The following UNC13B variants were observed in gnomAD, a reference collection of about 807,000 sequenced individuals.
UNC13B encodes the protein unc-13 homolog B.
Under a neutral mutation model 211.0 loss-of-function variants are expected in UNC13B, and 144 were observed. The ratio of observed to expected loss-of-function variants is 0.68; its 90% CI spans 0.60 to 0.78. The LOEUF is 0.78. Ranked by LOEUF, UNC13B falls within the 30% of genes least tolerant of loss-of-function variation. UNC13B has a pLI of 0.00. For missense variants in UNC13B, 1,777 were observed against 2,002.0 expected (o/e 0.89, Z 2.14); for synonymous variants, 709 against 725.8 (o/e 0.98, Z 0.37).
intron 7 of UNC13B, among the ~76,000 whole-genome samples, chr9:35,264,394 T>C (rs1827454169): frequency 6.6e-6 from 1 of 152,226 alleles, no homozygotes; most frequent in Non-Finnish European, 1.5e-5. Flanking sequence ...GGCTGAATTG[T>C]GTTCTAGTGT....
intron 30 of UNC13B, 102 bp from the exon 31 acceptor site, chr9:35,398,109 A>T: frequency 9.9e-7 from 1 of 1,009,580 alleles, no homozygotes; most frequent in South Asian, 1.7e-5. Flanking sequence ...CCTATGTCAT[A>T]TGTGAAGTCC....
In UNC13B at chr9:35,310,599, C is replaced by T. The variant is rs779107601; in HGVS notation, c.9141C>T (p.Ser3047=). 1 of 1,614,076 alleles carries T rather than the reference C, an allele frequency of 6.2e-7. No individual in the cohort carries two copies. Among genetic ancestry groups the T allele is most frequent in the Non-Finnish European group, 8.5e-7 (1 of 1,180,026 alleles). ...CGGACTCGATTCATTCTTGCCACAG[C>T]TCTCACAGCCTGTCCAGAGATGGCC... is the stretch of plus-strand genomic sequence containing the variant. ...RETDSIHSCH[S]SHSLSRDGQA... is the part of the protein sequence containing the mutation. The change falls in exon 10 of 40, where the codon AGC becomes AGT. Residue 3047 remains serine, a synonymous_variant. Coordinates refer to ENST00000635942, the MANE Select transcript of UNC13B (RefSeq NM_001371189.2).
At chr9:35,226,928 A>T (rs1198042536) in intron 1 of UNC13B, among the ~76,000 whole-genome samples, 2 of 152,206 alleles carry the variant, frequency 1.3e-5, no homozygotes, top group Non-Finnish European at 2.9e-5. Flanking sequence ...AACCATTATT[A>T]TCACTATATC....
intron 12 of UNC13B, among the ~76,000 whole-genome samples, chr9:35,368,050 T>C (rs1387409762): frequency 1.3e-5 from 2 of 152,320 alleles, no homozygotes; most frequent in Middle Eastern, 3.4e-3. Flanking sequence ...CAATTTGTCA[T>C]CTTTAAAAAA....
rs975470734 is a variant in UNC13B at position 35,307,805 on chromosome 9, G to A, written c.8401G>A (p.Ala2801Thr). Residue 2801 changes from alanine (A) to threonine (T), a missense_variant, in exon 9 of 40, where the codon GCA (alanine) becomes ACA (threonine). Coordinates refer to ENST00000635942, the MANE Select transcript of UNC13B (RefSeq NM_001371189.2). ...FSSPLPSGNRAAETGLMSSFK... is the reference protein window; with the variant it reads ...FSSPLPSGNRTAETGLMSSFK... ...CTCACCTCTCCCCTCTGGCAATAGAGCAGCAGAGACTGGTTTAATGTCCAG... is the reference window on the plus strand; with the variant it reads ...CTCACCTCTCCCCTCTGGCAATAGAACAGCAGAGACTGGTTTAATGTCCAG... 6.0e-5 allele frequency: 24 copies of A among 399,006 alleles called. No homozygotes were observed. Among genetic ancestry groups the A allele is most frequent in the Admixed American group, 4.0e-4 (9 of 22,728 alleles). The allele number at this position is 399,006 out of a possible 1,614,324, so 24.7% of individuals were successfully genotyped here. A position where few individuals can be genotyped will look rare whatever the true frequency, so the allele number is the denominator to read the frequency against.
rs190290179 is a variant in UNC13B at position 35,195,515 on chromosome 9, T to G, written c.23-32500T>G. Among the ~76,000 whole-genome samples the G allele has an allele frequency of 2.4e-4, 37 of 152,262 alleles. 1 individual carries two copies. The highest frequency in any genetic ancestry group is 1.4e-3 in the South Asian group (7 of 4,828). ...CATGGGTCCTTAACCTTGGCAAAAG[T>G]AACCTCTAAATTGATTGAGATCTGT... On this transcript the variant is annotated intron_variant, in intron 1 of 39. Transcript: ENST00000635942.
intron 1 of UNC13B, among the ~76,000 whole-genome samples, chr9:35,183,734 A>G (rs1326623018): frequency 1.9e-3 from 101 of 54,200 alleles, no homozygotes; most frequent in Middle Eastern, 0.019. Flanking sequence ...CAGACGGGGC[A>G]GCCGGGCAGA....
At chr9:35,381,281 A>G in intron 19 of UNC13B, 66 bp downstream of exon 19, 1 of 1,384,306 alleles carries the variant, frequency 7.2e-7, no homozygotes, top group Non-Finnish European at 1.0e-6. Flanking sequence ...GGCCATAAGT[A>G]GGATTGCTAG....
At chr9:35,239,189 T>A (rs1317645703) in intron 5 of UNC13B, among the ~76,000 whole-genome samples, 1 of 152,138 alleles carries the variant, frequency 6.6e-6, no homozygotes, top group Non-Finnish European at 1.5e-5. Context: ...TGATATCTTA[T>A]CAGGGGAAAT....
chr9:35,243,164 C>T, intron 5 of UNC13B, 127 bp from the exon 6 acceptor site: 1 of 818,552 alleles, frequency 1.2e-6, no homozygotes, highest in Non-Finnish European at 2.0e-6. Flanking sequence ...ACCAAACCAT[C>T]AGTTAAAACT....
intron 26 of UNC13B, among the ~76,000 whole-genome samples, chr9:35,393,185 A>G (rs1488277258): frequency 6.6e-6 from 1 of 152,218 alleles, no homozygotes; most frequent in Non-Finnish European, 1.5e-5. Context: ...TGGTAGTTAC[A>G]ACACAAAGTT....
intron 7 of UNC13B, among the ~76,000 whole-genome samples, chr9:35,285,880 A>T (rs968510930): frequency 3.3e-5 from 5 of 152,224 alleles, no homozygotes; most frequent in Non-Finnish European, 7.3e-5. Flanking sequence ...CTGATTGGAC[A>T]TGGGAAATAA....
intron 7 of UNC13B, chr9:35,291,069 G>T: frequency 6.5e-7 from 1 of 1,550,190 alleles, no homozygotes; most frequent in Non-Finnish European, 8.7e-7. Flanking sequence ...GTTTTCTTAG[G>T]TCACTGGACC....
At chr9:35,257,639 A>C (rs1051528606) in intron 6 of UNC13B, among the ~76,000 whole-genome samples, 1 of 147,380 alleles carries the variant, frequency 6.8e-6, no homozygotes, top group Non-Finnish European at 1.5e-5. Flanking sequence ...GTGATTGGCA[A>C]TTTTGCTAGT....
chr9:35,328,598 CCCTTCCTTCCTTCCTTCCTTCCTT>C (rs34586347), intron 11 of UNC13B, among the ~76,000 whole-genome samples: 67 of 98,714 alleles, frequency 6.8e-4, no homozygotes, highest in African/African-American at 1.4e-3. Context: ...CTGAATTGTC[CCCTTCCTTCCTTCCTTCCTTCCTT>C]CCTTCCTTCC....
At chr9:35,219,620 A>C (rs1824459471) in intron 1 of UNC13B, among the ~76,000 whole-genome samples, 1 of 149,476 alleles carries the variant, frequency 6.7e-6, no homozygotes, top group Non-Finnish European at 1.5e-5. Context: ...CTGTGTCCAA[A>C]AAAAAAAAAA....
intron 1 of UNC13B, among the ~76,000 whole-genome samples, chr9:35,167,409 C>T (rs977094776): frequency 1.3e-5 from 2 of 152,078 alleles, no homozygotes; most frequent in Non-Finnish European, 2.9e-5. Context: ...AATTCTTCTT[C>T]CACTGTGGCC....
intron 6 of UNC13B, among the ~76,000 whole-genome samples, chr9:35,249,463 C>G (rs1171324335): frequency 2.6e-5 from 4 of 152,164 alleles, no homozygotes; most frequent in Admixed American, 6.6e-5. Context: ...ATGGTCCTTA[C>G]AATTTAGCAT....
In UNC13B at chr9:35,398,774, G is replaced by A; in HGVS notation, c.11922-108G>A. On this transcript the variant is annotated intron_variant, in intron 32 of 39. Transcript: ENST00000635942. Reference sequence around the variant, plus strand: ...CCCTGTACTCCTGCTGACTGTCCCTGCTGGAAATGCACCATGAGCATATGG... The same window carrying A: ...CCCTGTACTCCTGCTGACTGTCCCTACTGGAAATGCACCATGAGCATATGG... The A allele has an allele frequency of 2.6e-6, 4 of 1,565,676 alleles. No individual in the cohort carries two copies. The South Asian group carries it at 4.8e-5, about 19-fold the overall frequency.
Sources: allele counts gnomAD v4.1 joint callset (sites outside exome capture counted in the v4.1 genomes callset), GRCh38; gene constraint gnomAD v4.1.1; transcripts MANE v1.5; gene names NCBI Gene and HGNC (gene_info 2026-07-23, HGNC 2026-07-21).